NCKAP5: variants seen among roughly 807,000 people sequenced by gnomAD.
NCKAP5 encodes the protein nck-associated protein 5.
NCKAP5 carries 92 observed loss-of-function variants against 167.0 expected under a neutral mutation model. That is an observed-to-expected ratio of 0.55 (90% CI 0.47 to 0.66). The LOEUF is 0.66. Ranked by LOEUF, NCKAP5 falls within the 30% of genes least tolerant of loss-of-function variation. The pLI is 0.00. For synonymous variants in NCKAP5, 891 were observed against 877.4 expected (o/e 1.02, Z -0.27); for missense variants, 2,378 against 2,315.0 (o/e 1.03, Z -0.56).
At chr2:132,961,186 A>G (rs2076500671) in intron 8 of NCKAP5, among the ~76,000 whole-genome samples, 1 of 152,090 alleles carries the variant, frequency 6.6e-6, no homozygotes, top group African/African-American at 2.4e-5. Flanking sequence ...TTTTCCTACA[A>G]TAATGTTTAA....
chr2:132,932,698 A>G (rs965222616), intron 8 of NCKAP5, among the ~76,000 whole-genome samples: 1 of 152,268 alleles, frequency 6.6e-6, no homozygotes, highest in South Asian at 2.1e-4. Flanking sequence ...GGGGAAACAT[A>G]CTATGATACC....
chr2:133,462,654 C>A (rs1388615982), intron 3 of NCKAP5, among the ~76,000 whole-genome samples: 1 of 152,102 alleles, frequency 6.6e-6, no homozygotes, highest in Non-Finnish European at 1.5e-5. Flanking sequence ...ATATCATACA[C>A]AGAACTTGGA....
At chr2:133,457,013 T>C (rs959520173) in intron 3 of NCKAP5, among the ~76,000 whole-genome samples, 1 of 152,130 alleles carries the variant, frequency 6.6e-6, no homozygotes, top group Non-Finnish European at 1.5e-5. Context: ...ATCTCTAATG[T>C]GCAGCATTCG....
the NCKAP5 span, among the ~76,000 whole-genome samples, chr2:133,634,702 A>G: frequency 1.3e-5 from 2 of 152,238 alleles, no homozygotes; most frequent in South Asian, 2.1e-4. Flanking sequence ...CCGACATAGG[A>G]TTGCCTGGTA....
chr2:133,391,204 C>G (rs1687378464), intron 3 of NCKAP5: 1 of 152,316 alleles, frequency 6.6e-6, no homozygotes, highest in South Asian at 2.1e-4. Context: ...CATGGCCACT[C>G]AGATATCCTG....
rs113585130 is a variant in NCKAP5, at chr2:133,164,743, T to A, written c.208-34632A>T. ...TCTTAAACCCCTATCCTTCAGTGTCTCGGGAATCTCTGCTTTCCATGGATC... is the reference window on the plus strand; with the variant it reads ...TCTTAAACCCCTATCCTTCAGTGTCACGGGAATCTCTGCTTTCCATGGATC... On this transcript the variant is annotated intron_variant, in intron 5 of 19. Coordinates refer to ENST00000409261, the MANE Select transcript of NCKAP5 (RefSeq NM_207363.3). Among the ~76,000 whole-genome samples the A allele has an allele frequency of 3.8e-4, 58 of 152,336 alleles. 1 individual carries two copies. Among genetic ancestry groups the A allele is most frequent in the African/African-American group, 1.3e-3 (56 of 41,584 alleles).
intron 3 of NCKAP5, among the ~76,000 whole-genome samples, chr2:133,516,280 C>A (rs1683984950): frequency 6.6e-6 from 1 of 152,174 alleles, no homozygotes. Context: ...CACACACAGA[C>A]ACCCAGACAC....
At chr2:133,071,819 C>T (rs929205962) in intron 6 of NCKAP5, among the ~76,000 whole-genome samples, 3 of 152,130 alleles carry the variant, frequency 2.0e-5, no homozygotes, top group African/African-American at 7.2e-5. Context: ...TCCCAAGAGC[C>T]TACTGTAATA....
At chr2:132,798,129 G>A (rs1432053129) in intron 11 of NCKAP5, among the ~76,000 whole-genome samples, 3 of 152,158 alleles carry the variant, frequency 2.0e-5, no homozygotes, top group Non-Finnish European at 4.4e-5. Flanking sequence ...GCAGAGCTAA[G>A]ACCTCCATAG....
At chr2:132,874,421 T>G (rs1026923657) in intron 9 of NCKAP5, among the ~76,000 whole-genome samples, 5 of 152,184 alleles carry the variant, frequency 3.3e-5, no homozygotes, top group Non-Finnish European at 5.9e-5. Flanking sequence ...ACCTTGATTT[T>G]AAAGATGACG....
the NCKAP5 span, among the ~76,000 whole-genome samples, chr2:133,614,233 C>T: frequency 2.6e-5 from 4 of 152,108 alleles, no homozygotes; most frequent in East Asian, 3.9e-4. Context: ...CCCTGGTCAC[C>T]GGCTGCCAGG....
At chr2:132,882,723 G>GT (rs1425613567) in intron 8 of NCKAP5, among the ~76,000 whole-genome samples, 1 of 151,968 alleles carries the variant, frequency 6.6e-6, no homozygotes, top group Non-Finnish European at 1.5e-5. Flanking sequence ...ATTACATTTT[G>GT]TTTTTTAGAA....
chr2:133,644,665 G>A, the NCKAP5 span, among the ~76,000 whole-genome samples: 1 of 151,760 alleles, frequency 6.6e-6, no homozygotes, highest in African/African-American at 2.4e-5. Flanking sequence ...TTAATTTTTG[G>A]GTTATTTAAG....
intron 3 of NCKAP5, among the ~76,000 whole-genome samples, chr2:133,454,074 T>C (rs1691705321): frequency 6.6e-6 from 1 of 152,056 alleles, no homozygotes; most frequent in African/African-American, 2.4e-5. Context: ...ATGTTCATTT[T>C]TAGTACGGCT....
At chr2:133,112,561 T>A (rs905153855) in intron 6 of NCKAP5, among the ~76,000 whole-genome samples, 5 of 152,046 alleles carry the variant, frequency 3.3e-5, no homozygotes, top group Admixed American at 3.3e-4. Context: ...CCCTCCAATG[T>A]CTCTGGAACA....
the NCKAP5 span, among the ~76,000 whole-genome samples, chr2:133,659,241 T>C: frequency 9.9e-5 from 15 of 151,972 alleles, no homozygotes; most frequent in African/African-American, 3.6e-4. Flanking sequence ...TATTGAGAAA[T>C]AATGGTCTTT....
chr2:132,787,440 G>A (rs1683679513), intron 13 of NCKAP5, among the ~76,000 whole-genome samples: 1 of 151,890 alleles, frequency 6.6e-6, no homozygotes, highest in Non-Finnish European at 1.5e-5. Flanking sequence ...ACCAGTTTTG[G>A]CTACATCAGT....
chr2:133,206,703 G>A (rs889743092), intron 5 of NCKAP5, among the ~76,000 whole-genome samples: 3 of 152,308 alleles, frequency 2.0e-5, no homozygotes, highest in South Asian at 4.1e-4. Flanking sequence ...ACTGCTTGCA[G>A]GGTCAGGCAG....
chr2:133,400,061 T>C (rs987203832), intron 3 of NCKAP5, among the ~76,000 whole-genome samples: 6 of 152,200 alleles, frequency 3.9e-5, no homozygotes, highest in Non-Finnish European at 8.8e-5. Flanking sequence ...CTTAAATATA[T>C]AAAAATTATG....
Sources: allele counts gnomAD v4.1 joint callset (sites outside exome capture counted in the v4.1 genomes callset), GRCh38; gene constraint gnomAD v4.1.1; transcripts MANE v1.5; gene names NCBI Gene and HGNC (gene_info 2026-07-23, HGNC 2026-07-21).